The following SPIDR variants were observed in gnomAD, a reference collection of about 807,000 sequenced individuals.
SPIDR encodes the protein DNA repair-scaffolding protein.
In SPIDR, 93 loss-of-function variants were observed where a neutral mutation model predicts 104.6. The ratio of observed to expected loss-of-function variants is 0.89; its 90% CI spans 0.75 to 1.06. SPIDR has a LOEUF of 1.06. SPIDR is among the 50% of genes least tolerant of loss of function. The pLI is 0.00. For synonymous variants in SPIDR, 431 were observed against 416.9 expected (o/e 1.03, Z -0.41); for missense variants, 1,154 against 1,111.2 (o/e 1.04, Z -0.55).
intron 10 of SPIDR, among the ~76,000 whole-genome samples, chr8:47,668,196 A>C (rs775065094): frequency 1.3e-5 from 2 of 152,184 alleles, no homozygotes; most frequent in African/African-American, 2.4e-5. Context: ...AAGGTAATCA[A>C]CTTGTTCTGT....
chr8:47,562,534 G>C (rs956064893), intron 8 of SPIDR, among the ~76,000 whole-genome samples: 1 of 152,196 alleles, frequency 6.6e-6, no homozygotes, highest in Non-Finnish European at 1.5e-5. Flanking sequence ...CAAACACACA[G>C]GGCGCTCCAC....
rs577355840 is a variant in SPIDR, at chr8:47,728,924, A to G, written c.2436-9A>G. ...GGGCCTTGTCTTTCCTTGGCTTTTC[A>G]TATACCAGAGGCGCCTTTTCCTGTG... On this transcript the variant is annotated splice_polypyrimidine_tract_variant and intron_variant, in intron 17 of 19. Coordinates refer to ENST00000297423, the MANE Select transcript of SPIDR (RefSeq NM_001080394.4). The G allele has an allele frequency of 1.2e-6, 2 of 1,600,112 alleles. No homozygotes were observed. The highest frequency in any genetic ancestry group is 1.7e-6 in the Non-Finnish European group (2 of 1,174,888).
intron 8 of SPIDR, among the ~76,000 whole-genome samples, chr8:47,549,837 G>C (rs1000874138): frequency 4.6e-5 from 7 of 152,142 alleles, no homozygotes; most frequent in Non-Finnish European, 7.3e-5. Context: ...TGGAGTCCTT[G>C]CCCATGCCTA....
intron 7 of SPIDR, among the ~76,000 whole-genome samples, chr8:47,427,673 G>A (rs1046722571): frequency 1.3e-5 from 2 of 152,186 alleles, no homozygotes; most frequent in Non-Finnish European, 2.9e-5. Flanking sequence ...GGGGAGGCTG[G>A]GGCGTCCCTG....
chr8:47,367,118 G>C (rs1277791894), intron 5 of SPIDR, among the ~76,000 whole-genome samples: 3 of 152,162 alleles, frequency 2.0e-5, no homozygotes, highest in Non-Finnish European at 2.9e-5. Context: ...CTTTAAACCT[G>C]TATTTAGAGG....
chr8:47,433,581 C>A (rs782177727), intron 7 of SPIDR, among the ~76,000 whole-genome samples: 1 of 152,164 alleles, frequency 6.6e-6, no homozygotes, highest in Non-Finnish European at 1.5e-5. Flanking sequence ...CTGGGGCCGC[C>A]AGAATGATAG....
chr8:47,501,493 TG>T (rs1350974112), intron 8 of SPIDR, among the ~76,000 whole-genome samples: 2 of 152,216 alleles, frequency 1.3e-5, no homozygotes, highest in Non-Finnish European at 2.9e-5. Context: ...ACATTGATTT[TG>T]TATCCTGAGA....
At chr8:47,681,351 T>C (rs1451516000) in intron 11 of SPIDR, among the ~76,000 whole-genome samples, 1 of 152,196 alleles carries the variant, frequency 6.6e-6, no homozygotes, top group Non-Finnish European at 1.5e-5. Context: ...GCTAAAATAA[T>C]GCATTCTAAG....
chr8:47,632,199 G>T (rs1257884744), intron 10 of SPIDR, among the ~76,000 whole-genome samples: 1 of 152,136 alleles, frequency 6.6e-6, no homozygotes, highest in African/African-American at 2.4e-5. Flanking sequence ...GCTGTACTGT[G>T]GTTCACCCTA....
chr8:47,575,003 C>T (rs2058915012), intron 8 of SPIDR, among the ~76,000 whole-genome samples: 1 of 151,872 alleles, frequency 6.6e-6, no homozygotes. Context: ...ATTTTCAGTT[C>T]AACTAGAATT....
At chr8:47,303,207 A>G (rs1374216742) in intron 5 of SPIDR, among the ~76,000 whole-genome samples, 2 of 152,172 alleles carry the variant, frequency 1.3e-5, no homozygotes, top group Non-Finnish European at 2.9e-5. Context: ...CTGTGCTAGC[A>G]ATGAGCGAGG....
chr8:47,299,790 A>G (rs1037583525), intron 5 of SPIDR, among the ~76,000 whole-genome samples: 1 of 152,204 alleles, frequency 6.6e-6, no homozygotes, highest in Non-Finnish European at 1.5e-5. Flanking sequence ...CTTGCATCCC[A>G]GGGATGAAGC....
chr8:47,322,322 A>G (rs556642025), intron 5 of SPIDR, among the ~76,000 whole-genome samples: 138 of 152,332 alleles, frequency 9.1e-4, no homozygotes, highest in Middle Eastern at 3.4e-3. Context: ...ATGCAGCCAA[A>G]AGACACTTGA....
At chr8:47,466,948 G>GATAGATAT (rs1554717789) in intron 8 of SPIDR, among the ~76,000 whole-genome samples, 9 of 133,458 alleles carry the variant, frequency 6.7e-5, no homozygotes, top group South Asian at 2.4e-4. Flanking sequence ...TAGATAGATA[G>GATAGATAT]ATATAAAAAA....
chr8:47,559,743 A>G (rs1437842698), intron 8 of SPIDR, among the ~76,000 whole-genome samples: 1 of 152,198 alleles, frequency 6.6e-6, no homozygotes, highest in Non-Finnish European at 1.5e-5. Context: ...TTTGTGAAGA[A>G]CATGAAGTGA....
chr8:47,568,527 C>T (rs1487879002), intron 8 of SPIDR, among the ~76,000 whole-genome samples: 3 of 152,136 alleles, frequency 2.0e-5, no homozygotes. Context: ...GGCAAAGTCT[C>T]TGGTAAATTT....
At chr8:47,477,310 C>T (rs1019979400) in intron 8 of SPIDR, among the ~76,000 whole-genome samples, 8 of 152,070 alleles carry the variant, frequency 5.3e-5, no homozygotes, top group Non-Finnish European at 1.0e-4. Context: ...AGCAGTTCTT[C>T]CTCAGCCCCC....
chr8:47,383,429 C>T (rs957478316), intron 5 of SPIDR, among the ~76,000 whole-genome samples: 6 of 152,060 alleles, frequency 3.9e-5, no homozygotes, highest in Non-Finnish European at 8.8e-5. Context: ...AGTAATGGGC[C>T]GGAAATGAAT....
intron 8 of SPIDR, among the ~76,000 whole-genome samples, chr8:47,539,799 G>A (rs183253143): frequency 6.6e-6 from 1 of 152,040 alleles, no homozygotes; most frequent in East Asian, 1.9e-4. Flanking sequence ...GTTGGTTTGA[G>A]TGCTTGTTGT....
Sources: gnomAD v4.1 joint callset for allele counts (sites outside exome capture counted in the v4.1 genomes callset) on GRCh38, gnomAD v4.1.1 for gene constraint, MANE v1.5 for transcripts, NCBI Gene and HGNC (gene_info 2026-07-23, HGNC 2026-07-21) for gene names.